Variants in GABRG3 observed in about 807,000 individuals in gnomAD.
GABRG3 encodes gamma-aminobutyric acid type A receptor subunit gamma3.
GABRG3 carries 25 observed loss-of-function variants against 48.8 expected under a neutral mutation model. That is an observed-to-expected ratio of 0.51 (90% CI 0.37 to 0.72). GABRG3 has a LOEUF of 0.72. GABRG3 is among the 30% of genes least tolerant of loss of function. GABRG3 has a pLI of 0.00. For missense variants in GABRG3, 394 were observed against 577.9 expected, an observed-to-expected ratio of 0.68 and a Z score of 3.26; for synonymous variants, 227 against 217.6, an observed-to-expected ratio of 1.04 and a Z score of -0.38.
intron 5 of GABRG3, among the ~76,000 whole-genome samples, chr15:27,480,286 T>C (rs1890066633): frequency 6.6e-6 from 1 of 152,168 alleles, no homozygotes; most frequent in Admixed American, 6.5e-5. Context: ...GCCATGTAGT[T>C]AGATCTGCAT....
intron 2 of GABRG3, among the ~76,000 whole-genome samples, chr15:26,998,796 G>T (rs1047450496): frequency 6.6e-6 from 1 of 152,144 alleles, no homozygotes. Context: ...TTTATAAAAC[G>T]AATCTAGGGT....
At chr15:27,115,276 C>A (rs1463522725) in intron 3 of GABRG3, among the ~76,000 whole-genome samples, 3 of 152,074 alleles carry the variant, frequency 2.0e-5, no homozygotes, top group Admixed American at 6.6e-5. Flanking sequence ...TAAAGAATAT[C>A]CACGGCAGTT....
intron 3 of GABRG3, among the ~76,000 whole-genome samples, chr15:27,267,994 AG>A (rs1890973298): frequency 6.6e-6 from 1 of 152,038 alleles, no homozygotes; most frequent in Non-Finnish European, 1.5e-5. Context: ...ATTGCTCTGT[AG>A]TTTTCTTTTC....
rs369832005 is a variant in GABRG3 at position 27,184,062 on chromosome 15, A to G, written c.271-142747A>G. ...ATGGGAGATAGCCAGGGAGCAAGTC[A>G]TTCTCACTGAGGTGGCTTAGAACTC... On this transcript the variant is annotated intron_variant, in intron 3 of 9. Transcript: ENST00000615808. Among the ~76,000 whole-genome samples the G allele has an allele frequency of 5.3e-5, 8 of 152,374 alleles. No individual in the cohort carries two copies. In the South Asian group the frequency reaches 8.3e-4, roughly 16 times the overall value.
chr15:27,159,397 G>A (rs1240861397), intron 3 of GABRG3, among the ~76,000 whole-genome samples: 5 of 151,742 alleles, frequency 3.3e-5, no homozygotes, highest in Admixed American at 2.0e-4. Context: ...CATGAGAATC[G>A]CTTGAACCTG....
chr15:27,080,469 A>G (rs1896974599), intron 3 of GABRG3, among the ~76,000 whole-genome samples: 1 of 152,072 alleles, frequency 6.6e-6, no homozygotes, highest in Non-Finnish European at 1.5e-5. Context: ...ACCAGAAAAC[A>G]AAACATGATT....
At chr15:27,513,213 C>A (rs188772800) in intron 6 of GABRG3, among the ~76,000 whole-genome samples, 1 of 151,746 alleles carries the variant, frequency 6.6e-6, no homozygotes, top group Non-Finnish European at 1.5e-5. Flanking sequence ...TTTGGGAGGC[C>A]GAGGCAAGCA....
At chr15:27,248,693 C>G (rs1890339746) in intron 3 of GABRG3, among the ~76,000 whole-genome samples, 1 of 150,772 alleles carries the variant, frequency 6.6e-6, no homozygotes, top group African/African-American at 2.4e-5. Context: ...TTAAAATATT[C>G]AAATCAGTGA....
At chr15:27,459,082 G>T (rs542455274) in intron 5 of GABRG3, among the ~76,000 whole-genome samples, 106 of 151,998 alleles carry the variant, frequency 7.0e-4, no homozygotes, top group African/African-American at 2.4e-3. Flanking sequence ...TACTTCCCCC[G>T]TCAGCATGTG....
At chr15:27,195,782 C>T (rs1888477170) in intron 3 of GABRG3, among the ~76,000 whole-genome samples, 1 of 151,984 alleles carries the variant, frequency 6.6e-6, no homozygotes, top group African/African-American at 2.4e-5. Context: ...TTACAGGTGC[C>T]CACCACCATG....
intron 3 of GABRG3, among the ~76,000 whole-genome samples, chr15:27,099,891 G>T (rs1897326931): frequency 6.6e-6 from 1 of 152,000 alleles, no homozygotes; most frequent in East Asian, 1.9e-4. Context: ...TACTATAATA[G>T]ACTTTTAACT....
At chr15:27,043,950 G>A (rs1896321544) in intron 3 of GABRG3, among the ~76,000 whole-genome samples, 1 of 152,168 alleles carries the variant, frequency 6.6e-6, no homozygotes, top group South Asian at 2.1e-4. Context: ...TCAGGCTGTC[G>A]GGCTGAGAGT....
chr15:27,403,907 AAAAAAACAAAAAAAAAAAAAAC>A (rs1887547059), intron 5 of GABRG3, among the ~76,000 whole-genome samples: 1 of 126,610 alleles, frequency 7.9e-6, no homozygotes, highest in African/African-American at 4.1e-5. Context: ...CCAGACTCAA[AAAAAAACAAAAAAAAAAAAAAC>A]AAAAAAAAAA....
chr15:27,485,818 A>T (rs774524034), intron 6 of GABRG3, among the ~76,000 whole-genome samples: 1 of 152,224 alleles, frequency 6.6e-6, no homozygotes, highest in African/African-American at 2.4e-5. Flanking sequence ...TAAAAAGCCA[A>T]TAAAAATAAT....
At chr15:27,193,567 T>C (rs1888401132) in intron 3 of GABRG3, among the ~76,000 whole-genome samples, 1 of 152,136 alleles carries the variant, frequency 6.6e-6, no homozygotes, top group African/African-American at 2.4e-5. Flanking sequence ...TTTAAGCCCT[T>C]GGGAAAAGTG....
At chr15:27,343,222 A>G (rs934445688) in intron 5 of GABRG3, among the ~76,000 whole-genome samples, 1 of 152,146 alleles carries the variant, frequency 6.6e-6, no homozygotes, top group Non-Finnish European at 1.5e-5. Flanking sequence ...TGGCAGCTCT[A>G]GCAGGGCGAG....
intron 3 of GABRG3, among the ~76,000 whole-genome samples, chr15:27,111,535 C>T (rs903268612): frequency 7.2e-5 from 11 of 152,144 alleles, no homozygotes; most frequent in African/African-American, 2.4e-4. Context: ...CTGCTGGCAG[C>T]GGGCTTTGTT....
chr15:27,215,789 G>A (rs746836304), intron 3 of GABRG3, among the ~76,000 whole-genome samples: 1 of 152,220 alleles, frequency 6.6e-6, no homozygotes, highest in Non-Finnish European at 1.5e-5. Flanking sequence ...TGTGATGTCA[G>A]TAAGCTTTGC....
intron 3 of GABRG3, among the ~76,000 whole-genome samples, chr15:27,032,869 G>A (rs1896109882): frequency 6.6e-6 from 1 of 152,124 alleles, no homozygotes; most frequent in Non-Finnish European, 1.5e-5. Context: ...AGCTGGCATG[G>A]GGCTGACCTG....
Sources: gnomAD v4.1 joint callset for allele counts (sites outside exome capture counted in the v4.1 genomes callset) on GRCh38, gnomAD v4.1.1 for gene constraint, MANE v1.5 for transcripts, NCBI Gene and HGNC (gene_info 2026-07-23, HGNC 2026-07-21) for gene names.